The following DMD variants were observed in gnomAD, a reference collection of about 807,000 sequenced individuals.
DMD encodes mutant dystrophin.
Under a neutral mutation model 330.1 loss-of-function variants are expected in DMD, and 63 were observed. The observed-to-expected ratio is 0.19, with a 90% CI of 0.16 to 0.24. The LOEUF (loss-of-function observed/expected upper bound fraction) is 0.24. DMD is among the 10% of genes least tolerant of loss of function. DMD has a pLI of 1.00. For synonymous variants in DMD, 1,223 were observed against 959.8 expected (o/e 1.27, Z -5.07); for missense variants, 3,344 against 2,684.1 (o/e 1.25, Z -5.43).
chrX:32,658,330 C>T (rs189935803), intron 9 of DMD, among the ~76,000 whole-genome samples: 176 of 110,906 alleles, frequency 1.6e-3, no homozygotes, highest in African/African-American at 5.7e-3. Flanking sequence ...TTATTTGATC[C>T]AAGACTCCTT....
At chrX:32,993,195 AT>A (rs2093025574) in intron 2 of DMD, among the ~76,000 whole-genome samples, 1 of 112,021 alleles carries the variant, frequency 8.9e-6, no homozygotes, top group Non-Finnish European at 1.9e-5. Context: ...TAGAACCCGG[AT>A]TTGTGAGTAA....
At chrX:32,705,640 G>A (rs921310961) in intron 7 of DMD, among the ~76,000 whole-genome samples, 2 of 111,511 alleles carry the variant, frequency 1.8e-5, no homozygotes, top group Non-Finnish European at 3.8e-5. Flanking sequence ...ACGGTGAAAA[G>A]CCGTCTCAAC....
intron 11 of DMD, among the ~76,000 whole-genome samples, chrX:32,615,338 G>C (rs1458435983): frequency 9.0e-6 from 1 of 111,280 alleles, no homozygotes; most frequent in Non-Finnish European, 1.9e-5. Context: ...CAGCCCAGCG[G>C]TAAGCTCTAC....
intron 57 of DMD, among the ~76,000 whole-genome samples, chrX:31,483,258 G>T (rs1397993387): frequency 9.2e-6 from 1 of 108,887 alleles, no homozygotes; most frequent in Non-Finnish European, 1.9e-5. Context: ...GTGTTAGCCA[G>T]GATGGTCTCC....
At chrX:32,908,219 C>A (rs16990758) in intron 2 of DMD, among the ~76,000 whole-genome samples, 2 of 111,320 alleles carry the variant, frequency 1.8e-5, no homozygotes, top group African/African-American at 6.5e-5. Context: ...ACATTAATAT[C>A]ATCATCAAAC....
intron 9 of DMD, among the ~76,000 whole-genome samples, chrX:32,690,808 G>A (rs370975779): frequency 9.0e-6 from 1 of 110,722 alleles, no homozygotes; most frequent in Non-Finnish European, 1.9e-5. Flanking sequence ...AATGAAATTG[G>A]TGCTTATCTT....
intron 2 of DMD, among the ~76,000 whole-genome samples, chrX:32,883,415 T>C (rs903937764): frequency 1.3e-4 from 15 of 111,845 alleles, no homozygotes; most frequent in African/African-American, 4.2e-4. Flanking sequence ...ATCCTGATAC[T>C]AGCTGGCACT....
chrX:33,166,200 A>T (rs190854208), intron 1 of DMD, among the ~76,000 whole-genome samples: 1 of 111,318 alleles, frequency 9.0e-6, no homozygotes, highest in East Asian at 2.8e-4. Flanking sequence ...ATAGTAGTCT[A>T]GGTGTTAGAA....
chrX:32,926,855 A>G (rs1164188397), intron 2 of DMD, among the ~76,000 whole-genome samples: 1 of 110,881 alleles, frequency 9.0e-6, no homozygotes, highest in Non-Finnish European at 1.9e-5. Flanking sequence ...TATATTCAAA[A>G]CAACATGTTG....
intron 2 of DMD, among the ~76,000 whole-genome samples, chrX:32,867,189 CTTTA>C (rs1182773286): frequency 8.2e-5 from 9 of 109,325 alleles, no homozygotes; most frequent in African/African-American, 2.7e-4. Context: ...AAAAAGTTGA[CTTTA>C]TTTTTCTCCC....
intron 19 of DMD, among the ~76,000 whole-genome samples, chrX:32,499,897 C>T (rs770025762): frequency 1.4e-4 from 16 of 110,915 alleles, no homozygotes; most frequent in Non-Finnish European, 2.6e-4. Context: ...GTTCCTTGAA[C>T]GACAAAAACG....
chrX:32,656,668 T>C (rs1414390941), intron 9 of DMD, among the ~76,000 whole-genome samples: 1 of 112,100 alleles, frequency 8.9e-6, no homozygotes, highest in Non-Finnish European at 1.9e-5. Flanking sequence ...CCAGTCATTT[T>C]GCTTCATCGT....
At chrX:31,848,168 T>C (rs1276116223) in intron 48 of DMD, among the ~76,000 whole-genome samples, 1 of 111,911 alleles carries the variant, frequency 8.9e-6, no homozygotes, top group East Asian at 2.8e-4. Flanking sequence ...ACAATATTCT[T>C]CCAGAATATA....
At chrX:32,541,077 T>C (rs1260137641) in intron 17 of DMD, among the ~76,000 whole-genome samples, 1 of 111,707 alleles carries the variant, frequency 9.0e-6, no homozygotes, top group Non-Finnish European at 1.9e-5. Context: ...TGCCCAATAA[T>C]ACAATCTAAT....
At position 31,213,349 on chromosome X, in the gene DMD, G is replaced by A. The variant is rs143631265; in HGVS notation, c.9362-3650C>T. On this transcript the variant is annotated intron_variant, in intron 64 of 78. Transcript: ENST00000357033. ...ATTGTTTATTGCTAACAGTAACATT[G>A]ACCATTTTTACCCGGGCACAGTCAG... Among the ~76,000 whole-genome samples the A allele has an allele frequency of 2.8e-3, 312 of 112,487 alleles. 1 individual carries two copies. Among genetic ancestry groups the A allele is most frequent in the African/African-American group, 9.8e-3 (303 of 30,974 alleles).
chrX:31,234,718 ACT>A (rs2047551967), intron 63 of DMD, among the ~76,000 whole-genome samples: 1 of 112,087 alleles, frequency 8.9e-6, no homozygotes, highest in South Asian at 3.7e-4. Context: ...CACATACAAA[ACT>A]CTGGTTATGT....
intron 9 of DMD, among the ~76,000 whole-genome samples, chrX:32,661,782 A>G (rs750653389): frequency 1.8e-5 from 2 of 111,421 alleles, no homozygotes; most frequent in South Asian, 3.7e-4. Context: ...TAGCTTGTCT[A>G]TATAAAAATA....
At chrX:31,669,142 A>C (rs1001531539) in intron 53 of DMD, among the ~76,000 whole-genome samples, 2 of 111,957 alleles carry the variant, frequency 1.8e-5, no homozygotes, top group Non-Finnish European at 3.8e-5. Flanking sequence ...GGATTGCTGG[A>C]TCCTATGGTA....
intron 56 of DMD, among the ~76,000 whole-genome samples, chrX:31,506,063 T>C (rs1445740659): frequency 1.8e-5 from 2 of 112,015 alleles, no homozygotes; most frequent in Non-Finnish European, 3.8e-5. Flanking sequence ...CTCTTAGGGT[T>C]GCTGAGAGCA....
Sources: gnomAD v4.1 joint callset for allele counts (sites outside exome capture counted in the v4.1 genomes callset) on GRCh38, gnomAD v4.1.1 for gene constraint, MANE v1.5 for transcripts, NCBI Gene and HGNC (gene_info 2026-07-23, HGNC 2026-07-21) for gene names.